The following EXT2 variants were observed in gnomAD, a reference collection of about 807,000 sequenced individuals.
EXT2 encodes exostosin-2.
In EXT2, 53 loss-of-function variants were observed where a neutral mutation model predicts 81.6. The ratio of observed to expected loss-of-function variants is 0.65; its 90% CI spans 0.52 to 0.82. EXT2 has a LOEUF of 0.82. EXT2 is among the 40% of genes least tolerant of loss of function. The pLI is 0.00. For synonymous variants in EXT2, 320 were observed against 340.0 expected (o/e 0.94, Z 0.65); for missense variants, 774 against 910.2 (o/e 0.85, Z 1.93).
chr11:44,123,653 A>C (rs1413258778), intron 4 of EXT2, among the ~76,000 whole-genome samples: 1 of 152,232 alleles, frequency 6.6e-6, no homozygotes, highest in Non-Finnish European at 1.5e-5. Context: ...AAATATTTCA[A>C]TGAGCATTTC....
intron 7 of EXT2, among the ~76,000 whole-genome samples, chr11:44,159,002 T>A (rs989110464): frequency 2.0e-5 from 3 of 152,030 alleles, no homozygotes; most frequent in African/African-American, 4.8e-5. Context: ...CCCTGGCATC[T>A]ATAGAGATTT....
rs1956084312 is a variant in EXT2, at chr11:44,245,330, C to G, written c.*1043C>G. On this transcript the variant is annotated 3_prime_UTR_variant, in exon 14 of 14. Coordinates refer to ENST00000533608, the MANE Select transcript of EXT2 (RefSeq NM_207122.2). ...TCTTTTGGTATAAACTTAACATTAG[C>G]CAGGGAGGTTCTGGCTAACGTTAAA... 1 of 218,090 alleles carries G rather than the reference C, an allele frequency of 4.6e-6. No homozygotes were observed. Among genetic ancestry groups the G allele is most frequent in the African/African-American group, 2.3e-5 (1 of 44,428 alleles). The allele number at this position is 218,090 out of a possible 1,614,324, so 13.5% of individuals were successfully genotyped here.
chr11:44,178,344 A>G (rs1251636266), intron 8 of EXT2, among the ~76,000 whole-genome samples: 1 of 152,152 alleles, frequency 6.6e-6, no homozygotes, highest in Non-Finnish European at 1.5e-5. Context: ...GATTTCATTC[A>G]CTGTGAGTGT....
chr11:44,112,255 G>C (rs899197885), intron 3 of EXT2, among the ~76,000 whole-genome samples: 1 of 152,206 alleles, frequency 6.6e-6, no homozygotes, highest in African/African-American at 2.4e-5. Flanking sequence ...TGGAGAGGAA[G>C]GCTCAGTGTC....
intron 7 of EXT2, among the ~76,000 whole-genome samples, chr11:44,139,049 G>A (rs1359328936): frequency 6.6e-6 from 1 of 151,458 alleles, no homozygotes; most frequent in African/African-American, 2.4e-5. Flanking sequence ...ACTCGAAAGA[G>A]AATTTATTCC....
rs764122907 is a variant in EXT2, at chr11:44,197,969, A to G, written c.1446A>G (p.Leu482=). 2 of 1,614,098 alleles carry G rather than the reference A, an allele frequency of 1.2e-6. No homozygotes were observed. The highest frequency in any genetic ancestry group is 1.1e-5 in the South Asian group (1 of 91,076). ...CTGAAGTGTCCAAGGTGCCCAGTCT[A>G]TCCAAACTACTTGTCGTCTGGAATA... The part of the protein sequence containing the change: ...VITEVSKVPS[L]SKLLVVWNNQ... The change falls in exon 9 of 14, where the codon CTA becomes CTG. Residue 482 remains leucine, a synonymous_variant. Transcript: ENST00000533608.
chr11:44,242,602 C>T (rs2135280649), intron 13 of EXT2, among the ~76,000 whole-genome samples: 1 of 152,102 alleles, frequency 6.6e-6, no homozygotes, highest in East Asian at 1.9e-4. Context: ...TTTCTTAACC[C>T]ATAACATGAG....
intron 10 of EXT2, among the ~76,000 whole-genome samples, chr11:44,229,048 A>C (rs1358646007): frequency 6.6e-6 from 1 of 152,024 alleles, no homozygotes; most frequent in Non-Finnish European, 1.5e-5. Flanking sequence ...CTTTTCTTTC[A>C]CTTTGGCATC....
At chr11:44,200,349 T>C (rs1304409096) in intron 9 of EXT2, among the ~76,000 whole-genome samples, 2 of 152,016 alleles carry the variant, frequency 1.3e-5, no homozygotes, top group African/African-American at 4.8e-5. Flanking sequence ...CTTTTTTCTT[T>C]TGGTTACACT....
chr11:44,212,881 T>C (rs986157283), intron 10 of EXT2, among the ~76,000 whole-genome samples: 1 of 152,058 alleles, frequency 6.6e-6, no homozygotes, highest in African/African-American at 2.4e-5. Context: ...AAAAACTACA[T>C]TGCCAGGCCT....
chr11:44,198,991 G>T (rs947698071), intron 9 of EXT2, among the ~76,000 whole-genome samples: 1 of 152,160 alleles, frequency 6.6e-6, no homozygotes, highest in Non-Finnish European at 1.5e-5. Flanking sequence ...TTTACTTCAT[G>T]GGATGTTTGT....
chr11:44,240,418 T>C (rs1402444153), intron 13 of EXT2, among the ~76,000 whole-genome samples: 1 of 152,036 alleles, frequency 6.6e-6, no homozygotes, highest in Non-Finnish European at 1.5e-5. Flanking sequence ...TAGCCAGGGG[T>C]GGTGGTAGGC....
intron 4 of EXT2, among the ~76,000 whole-genome samples, chr11:44,114,527 A>G (rs1342420352): frequency 1.3e-5 from 2 of 152,180 alleles, no homozygotes; most frequent in African/African-American, 2.4e-5. Flanking sequence ...TAAGCCAGGA[A>G]TCCATGTGGT....
intron 8 of EXT2, among the ~76,000 whole-genome samples, chr11:44,180,342 A>C (rs150651629): frequency 4.5e-4 from 68 of 152,238 alleles, no homozygotes; most frequent in African/African-American, 1.6e-3. Flanking sequence ...TATTATATGC[A>C]TTATTAGAGC....
chr11:44,182,469 A>G (rs187909041), intron 8 of EXT2, among the ~76,000 whole-genome samples: 322 of 151,558 alleles, frequency 2.1e-3, no homozygotes, highest in African/African-American at 7.2e-3. Context: ...TATTTTGTTT[A>G]TTTAAATTGA....
intron 10 of EXT2, among the ~76,000 whole-genome samples, chr11:44,221,856 A>G (rs1254099483): frequency 6.6e-6 from 1 of 152,222 alleles, no homozygotes; most frequent in African/African-American, 2.4e-5. Flanking sequence ...AGTTTCAGGC[A>G]GTGGTTGGTG....
intron 8 of EXT2, among the ~76,000 whole-genome samples, chr11:44,182,515 C>T (rs1485177643): frequency 1.3e-5 from 2 of 151,916 alleles, no homozygotes; most frequent in Admixed American, 6.6e-5. Flanking sequence ...TAACTTTTTA[C>T]GTTGACATAT....
chr11:44,194,561 A>T (rs1036077673), intron 8 of EXT2, among the ~76,000 whole-genome samples: 1 of 152,132 alleles, frequency 6.6e-6, no homozygotes, highest in African/African-American at 2.4e-5. Context: ...CTTGAGTTGT[A>T]TCTCAGTTCC....
rs1956137319 is a variant in EXT2 at position 44,251,474 on chromosome 11, G to A, written c.*7187G>A. Among the ~76,000 whole-genome samples, 1 of 152,212 alleles carries A rather than the reference G, an allele frequency of 6.6e-6. No individual in the cohort carries two copies. Among genetic ancestry groups the A allele is most frequent in the African/African-American group, 2.4e-5 (1 of 41,550 alleles). ...TTTTTGGTTCTTTTAGGCCTTAACAGCACAATAAAAGTATCCCATGAGACC... is the reference window on the plus strand; with the variant it reads ...TTTTTGGTTCTTTTAGGCCTTAACAACACAATAAAAGTATCCCATGAGACC... On this transcript the variant is annotated 3_prime_UTR_variant, in exon 14 of 14. Coordinates refer to ENST00000533608, the MANE Select transcript of EXT2 (RefSeq NM_207122.2).
Sources: gnomAD v4.1 joint callset for allele counts (sites outside exome capture counted in the v4.1 genomes callset) on GRCh38, gnomAD v4.1.1 for gene constraint, MANE v1.5 for transcripts, NCBI Gene and HGNC (gene_info 2026-07-23, HGNC 2026-07-21) for gene names.